Variants in COL19A1 observed in about 807,000 individuals in gnomAD.
The protein encoded by COL19A1 is collagen type XIX alpha 1 chain, also known as collagen alpha-1(XIX) chain.
A neutral mutation model predicts 190.2 loss-of-function variants in COL19A1; 159 were observed. The observed-to-expected ratio is 0.84, with a 90% CI of 0.73 to 0.95. The LOEUF is 0.95. COL19A1 is among the 40% of genes least tolerant of loss of function. The pLI, the probability that COL19A1 is intolerant of heterozygous loss-of-function variation, is 0.00. For missense variants in COL19A1, 1,418 were observed against 1,431.9 expected, an observed-to-expected ratio of 0.99 and a Z score of 0.16; for synonymous variants, 509 against 458.9, an observed-to-expected ratio of 1.11 and a Z score of -1.39.
chr6:69,926,787 G>A (rs1225510865), intron 4 of COL19A1, among the ~76,000 whole-genome samples: 2 of 148,874 alleles, frequency 1.3e-5, no homozygotes, highest in African/African-American at 2.5e-5. Flanking sequence ...CTCTAAGAAG[G>A]ACAAACTGAA....
At chr6:69,946,449 T>G (rs938525535) in intron 9 of COL19A1, among the ~76,000 whole-genome samples, 4 of 151,820 alleles carry the variant, frequency 2.6e-5, no homozygotes, top group Admixed American at 2.0e-4. Context: ...TACTCAAAAT[T>G]TGGTAAATTA....
At chr6:70,115,231 A>G (rs956021068) in intron 16 of COL19A1, among the ~76,000 whole-genome samples, 1 of 152,212 alleles carries the variant, frequency 6.6e-6, no homozygotes. Flanking sequence ...GGAAATATGT[A>G]ATGAACAATT....
intron 11 of COL19A1, among the ~76,000 whole-genome samples, chr6:69,976,086 G>A (rs1775697254): frequency 6.6e-6 from 1 of 152,126 alleles, no homozygotes; most frequent in African/African-American, 2.4e-5. Flanking sequence ...GAATCAGTAT[G>A]AAACTTACTC....
intron 11 of COL19A1, among the ~76,000 whole-genome samples, chr6:70,010,150 A>G (rs908599087): frequency 5.3e-5 from 8 of 152,198 alleles, no homozygotes; most frequent in African/African-American, 1.9e-4. Context: ...CCATGGGAGA[A>G]ATATTTTCAA....
At chr6:70,049,088 G>A (rs564517781) in intron 14 of COL19A1, among the ~76,000 whole-genome samples, 82 of 151,870 alleles carry the variant, frequency 5.4e-4, no homozygotes, top group Admixed American at 7.9e-4. Flanking sequence ...TTCAATTTAA[G>A]ATTATTTTAA....
intron 12 of COL19A1, among the ~76,000 whole-genome samples, chr6:70,031,087 C>T (rs1779043309): frequency 6.6e-6 from 1 of 152,134 alleles, no homozygotes; most frequent in Admixed American, 6.5e-5. Context: ...CTCATCATGG[C>T]CTGCAATTAC....
At chr6:70,025,814 G>T (rs1778702999) in intron 12 of COL19A1, among the ~76,000 whole-genome samples, 2 of 152,198 alleles carry the variant, frequency 1.3e-5, no homozygotes, top group Admixed American at 1.3e-4. Flanking sequence ...AGTAATTAGA[G>T]TCTAAGCTAG....
intron 18 of COL19A1, among the ~76,000 whole-genome samples, chr6:70,137,227 C>T (rs1035627701): frequency 6.6e-6 from 1 of 152,074 alleles, no homozygotes; most frequent in Non-Finnish European, 1.5e-5. Flanking sequence ...AGCTGAGAGA[C>T]TCGTTTTGCT....
intron 11 of COL19A1, among the ~76,000 whole-genome samples, chr6:69,980,701 G>T (rs151015921): frequency 3.3e-5 from 5 of 152,286 alleles, no homozygotes; most frequent in Non-Finnish European, 7.4e-5. Flanking sequence ...TTTGAAAATG[G>T]ACAAAATGTG....
chr6:70,171,416 C>A (rs557355861), intron 40 of COL19A1, among the ~76,000 whole-genome samples: 1 of 152,300 alleles, frequency 6.6e-6, no homozygotes, highest in Admixed American at 6.5e-5. Flanking sequence ...AATCTACCCC[C>A]TTCCAGTGAC....
chr6:69,936,690 A>G (rs1386519152), intron 7 of COL19A1, 95 bp from the exon 8 acceptor site: 40 of 1,489,556 alleles, frequency 2.7e-5, no homozygotes, highest in Non-Finnish European at 3.4e-5. Context: ...CTTGCAGGCA[A>G]CCTCAGCAAT....
intron 19 of COL19A1, among the ~76,000 whole-genome samples, chr6:70,138,533 C>T (rs1480513926): frequency 6.6e-6 from 1 of 152,036 alleles, no homozygotes; most frequent in East Asian, 1.9e-4. Flanking sequence ...CTTATTAAAC[C>T]ACTCTACCCC....
intron 44 of COL19A1, among the ~76,000 whole-genome samples, chr6:70,183,835 C>A (rs3806055): frequency 0.022 from 3,376 of 152,288 alleles, 96 homozygotes; most frequent in East Asian, 0.13. Flanking sequence ...CAAGTCCATG[C>A]AATTGCCTGC....
intron 4 of COL19A1, among the ~76,000 whole-genome samples, chr6:69,902,558 A>G (rs539712723): frequency 1.1e-3 from 174 of 152,314 alleles, no homozygotes; most frequent in African/African-American, 4.1e-3. Flanking sequence ...CAGGCAAAAT[A>G]CAAGTCACCT....
At chr6:70,177,944 A>G (rs1205794408) in intron 42 of COL19A1, among the ~76,000 whole-genome samples, 1 of 152,250 alleles carries the variant, frequency 6.6e-6, no homozygotes, top group African/African-American at 2.4e-5. Context: ...AAGATGTGCA[A>G]CAGTGGCCAC....
At chr6:70,160,067 G>C (rs557770778) in intron 34 of COL19A1, among the ~76,000 whole-genome samples, 3 of 152,178 alleles carry the variant, frequency 2.0e-5, no homozygotes, top group African/African-American at 4.8e-5. Flanking sequence ...GGGACTTCTG[G>C]CAATAGTAAT....
chr6:70,177,362 C>T (rs1296635253), intron 42 of COL19A1, among the ~76,000 whole-genome samples: 2 of 148,910 alleles, frequency 1.3e-5, no homozygotes, highest in African/African-American at 2.5e-5. Flanking sequence ...ACAATCACCA[C>T]CCACAGTCAC....
chr6:69,939,558 A>G (rs1188340134), intron 9 of COL19A1, among the ~76,000 whole-genome samples: 1 of 152,080 alleles, frequency 6.6e-6, no homozygotes, highest in Admixed American at 6.6e-5. Flanking sequence ...GGCTGCCACT[A>G]TGTTCTAAAA....
intron 1 of COL19A1, among the ~76,000 whole-genome samples, chr6:69,867,254 C>CG (rs1426726281): frequency 6.6e-6 from 1 of 152,142 alleles, no homozygotes; most frequent in Non-Finnish European, 1.5e-5. Context: ...GGGGGCGGCG[C>CG]GGGCGCGGGC....
Sources: gnomAD v4.1 joint callset for allele counts (sites outside exome capture counted in the v4.1 genomes callset) on GRCh38, gnomAD v4.1.1 for gene constraint, MANE v1.5 for transcripts, NCBI Gene and HGNC (gene_info 2026-07-23, HGNC 2026-07-21) for gene names.